The following CLXN variants were observed in gnomAD, a reference collection of about 807,000 sequenced individuals.
CLXN encodes calaxin.
the CLXN span, among the ~76,000 whole-genome samples, chr8:48,717,693 A>G: frequency 6.6e-6 from 1 of 152,246 alleles, no homozygotes; most frequent in Non-Finnish European, 1.5e-5. Context: ...GTTAAAAGAT[A>G]AACATTTAGT....
At chr8:48,713,241 C>T in the CLXN span, among the ~76,000 whole-genome samples, 2 of 152,144 alleles carry the variant, frequency 1.3e-5, no homozygotes, top group Non-Finnish European at 2.9e-5. Context: ...ACCATCCTCA[C>T]AACTTGCTAA....
At chr8:48,735,084 TCTTA>T in the CLXN span, 4 of 1,614,086 alleles carry the variant, frequency 2.5e-6, no homozygotes, top group South Asian at 3.3e-5. Context: ...AGCACTACAT[TCTTA>T]CTTACAATGC....
the CLXN span, among the ~76,000 whole-genome samples, chr8:48,725,241 T>TAAG: frequency 6.6e-6 from 1 of 152,166 alleles, no homozygotes; most frequent in East Asian, 1.9e-4. Context: ...TTCAGTAAGG[T>TAAG]AAGAAGCCAA....
chr8:48,729,682 C>CA, the CLXN span: 1 of 1,560,020 alleles, frequency 6.4e-7, no homozygotes, highest in Middle Eastern at 1.8e-4. Flanking sequence ...ATCTGGCCCA[C>CA]AAATTTTAAT....
the CLXN span, among the ~76,000 whole-genome samples, chr8:48,726,573 C>A: frequency 6.7e-6 from 1 of 149,594 alleles, no homozygotes; most frequent in Non-Finnish European, 1.5e-5. Flanking sequence ...ATTCACCTCA[C>A]CATCCATCCG....
At chr8:48,729,698 A>G in the CLXN span, 3 of 1,572,552 alleles carry the variant, frequency 1.9e-6, no homozygotes, top group Non-Finnish European at 2.6e-6. Context: ...TTAATAAAAA[A>G]CTTGACATTA....
chr8:48,718,670 A>G, the CLXN span, among the ~76,000 whole-genome samples: 1 of 152,150 alleles, frequency 6.6e-6, no homozygotes, highest in South Asian at 2.1e-4. Flanking sequence ...GCAAATTCAC[A>G]AATATATAGA....
the CLXN span, chr8:48,713,719 C>T: frequency 6.6e-6 from 1 of 152,046 alleles, no homozygotes; most frequent in Non-Finnish European, 1.5e-5. Flanking sequence ...TGGTGTTGCA[C>T]AAAGTAGGAA....
At chr8:48,721,978 A>G in the CLXN span, among the ~76,000 whole-genome samples, 1 of 152,236 alleles carries the variant, frequency 6.6e-6, no homozygotes, top group Non-Finnish European at 1.5e-5. Context: ...AAGAAAAGGA[A>G]ATAATCAACA....
At chr8:48,734,461 C>A in the CLXN span, 1 of 152,194 alleles carries the variant, frequency 6.6e-6, no homozygotes, top group Non-Finnish European at 1.5e-5. Context: ...TTGTCACCTG[C>A]AAAGTCTCCT....
chr8:48,726,230 A>G, the CLXN span, among the ~76,000 whole-genome samples: 913 of 130,388 alleles, frequency 7.0e-3, 9 homozygotes, highest in African/African-American at 0.027. Flanking sequence ...CACTTCATCC[A>G]TCCATCCATC....
At chr8:48,729,005 T>A in the CLXN span, 11 of 1,505,846 alleles carry the variant, frequency 7.3e-6, no homozygotes, top group Non-Finnish European at 1.0e-5. Flanking sequence ...TTCTACATTC[T>A]ACTTTGATTA....
At chr8:48,734,967 A>T in the CLXN span, 1 of 1,057,790 alleles carries the variant, frequency 9.5e-7, no homozygotes, top group South Asian at 1.6e-5. Flanking sequence ...GCCGGGGTGG[A>T]GGGGCGGTAG....
the CLXN span, among the ~76,000 whole-genome samples, chr8:48,726,699 C>G: frequency 1.4e-5 from 2 of 139,890 alleles, no homozygotes; most frequent in Non-Finnish European, 3.1e-5. Flanking sequence ...ACCCATCCAT[C>G]TACCCACACA....
At chr8:48,719,103 G>T in the CLXN span, among the ~76,000 whole-genome samples, 1 of 151,588 alleles carries the variant, frequency 6.6e-6, no homozygotes, top group South Asian at 2.1e-4. Flanking sequence ...CCATTACAAT[G>T]GATGCTTCAG....
the CLXN span, among the ~76,000 whole-genome samples, chr8:48,714,373 G>A: frequency 2.6e-5 from 4 of 152,186 alleles, no homozygotes; most frequent in African/African-American, 7.2e-5. Flanking sequence ...TATGATGAAC[G>A]GCAGAGGAGA....
the CLXN span, among the ~76,000 whole-genome samples, chr8:48,733,576 T>A: frequency 6.6e-6 from 1 of 152,318 alleles, no homozygotes; most frequent in African/African-American, 2.4e-5. Flanking sequence ...TAGGGGAAAG[T>A]TCTTCCGTTA....
the CLXN span, chr8:48,715,147 C>A: frequency 6.6e-6 from 1 of 152,044 alleles, no homozygotes; most frequent in Admixed American, 6.5e-5. Context: ...GGATTTATAC[C>A]AGAATATTAA....
the CLXN span, among the ~76,000 whole-genome samples, chr8:48,713,020 G>GA: frequency 6.8e-6 from 1 of 147,410 alleles, no homozygotes; most frequent in Non-Finnish European, 1.5e-5. Context: ...GAAAGAAAAA[G>GA]AAAAAAACTG....
Sources: allele counts gnomAD v4.1 joint callset (sites outside exome capture counted in the v4.1 genomes callset), GRCh38; gene constraint gnomAD v4.1.1; transcripts MANE v1.5; gene names NCBI Gene and HGNC (gene_info 2026-07-23, HGNC 2026-07-21).